The following FANCB variants were observed in gnomAD, a reference collection of about 807,000 sequenced individuals.
The protein encoded by FANCB is FA complementation group B, also known as Fanconi anemia group B protein.
FANCB carries 5 observed loss-of-function variants against 38.9 expected under a neutral mutation model. The ratio of observed to expected loss-of-function variants is 0.13; its 90% CI spans 0.07 to 0.27. The LOEUF is 0.27. Among genes scored for constraint, FANCB ranks in the 10% least tolerant of loss-of-function variants. The probability of loss-of-function intolerance (pLI) is 1.00; values close to 1 mark genes in which losing one functional copy is unlikely to be tolerated. For synonymous variants in FANCB, 236 were observed against 215.4 expected (o/e 1.10, Z -0.84); for missense variants, 573 against 602.7 (o/e 0.95, Z 0.52).
At chrX:14,808,695 T>C in the FANCB span, among the ~76,000 whole-genome samples, 50 of 112,107 alleles carry the variant, frequency 4.5e-4, no homozygotes, top group South Asian at 0.017. Flanking sequence ...TTCAACATAG[T>C]ACTGGAAATC....
At chrX:14,792,785 T>G in the FANCB span, among the ~76,000 whole-genome samples, 1 of 111,702 alleles carries the variant, frequency 9.0e-6, no homozygotes, top group African/African-American at 3.3e-5. Context: ...TCACAAAATT[T>G]CCAAAGTAGA....
the FANCB span, among the ~76,000 whole-genome samples, chrX:14,791,369 T>C: frequency 0.21 from 23,680 of 110,676 alleles, 2,341 homozygotes; most frequent in Non-Finnish European, 0.31. Context: ...CCCAAGGAAC[T>C]AGAAATTGGG....
chrX:14,858,263 C>T (rs1333469028), intron 4 of FANCB, among the ~76,000 whole-genome samples: 3 of 109,968 alleles, frequency 2.7e-5, no homozygotes, highest in Non-Finnish European at 5.7e-5. Flanking sequence ...GGCATAGTGG[C>T]GCGCACCTGT....
rs760139481 is a variant in FANCB at position 14,865,221 on chromosome X, T to C, written c.290A>G (p.Glu97Gly). ...TGINLPYIVI[E>G]KNKKNNVFEY... Reference sequence around the variant, plus strand: ...AAAAACATTATTCTTTTTATTTTTTTCTATCACAATGTAAGGGAGGTTAAT... The same window carrying C: ...AAAAACATTATTCTTTTTATTTTTTCCTATCACAATGTAAGGGAGGTTAAT... The change falls in exon 3 of 10, where the codon GAA (glutamate) becomes GGA (glycine). Residue 97 changes from glutamate (E) to glycine (G), a missense_variant. Physicochemically the swap from Glu to Gly is moderately conservative, Grantham distance 98. Transcript: ENST00000650831. 1.7e-6 allele frequency: 2 copies of C among 1,154,547 alleles called. No individual in the cohort carries two copies. Among genetic ancestry groups the C allele is most frequent in the Non-Finnish European group, 2.3e-6 (2 of 866,793 alleles).
the FANCB span, among the ~76,000 whole-genome samples, chrX:14,810,578 G>A: frequency 2.7e-5 from 3 of 111,557 alleles, no homozygotes; most frequent in African/African-American, 9.8e-5. Context: ...GATGGAAGAT[G>A]AAATGAATGA....
chrX:14,815,284 C>G, the FANCB span, among the ~76,000 whole-genome samples: 1 of 107,263 alleles, frequency 9.3e-6, no homozygotes, highest in Non-Finnish European at 1.9e-5. Flanking sequence ...CAAACCTGCA[C>G]GTTGTGCACA....
intron 3 of FANCB, among the ~76,000 whole-genome samples, chrX:14,859,976 G>A (rs1249070366): frequency 9.0e-6 from 1 of 111,119 alleles, no homozygotes. Flanking sequence ...ACAGGTGAGG[G>A]GTCCTAAAAG....
At chrX:14,768,270 T>C in the FANCB span, among the ~76,000 whole-genome samples, 3 of 112,384 alleles carry the variant, frequency 2.7e-5, no homozygotes, top group East Asian at 8.3e-4. Context: ...ATTTTCATTA[T>C]ATTGATTTTT....
chrX:14,798,948 G>A, the FANCB span, among the ~76,000 whole-genome samples: 1 of 111,866 alleles, frequency 8.9e-6, no homozygotes, highest in East Asian at 2.8e-4. Flanking sequence ...TGTGGACCAT[G>A]CTGGCTGGAC....
chrX:14,768,407 A>T, the FANCB span, among the ~76,000 whole-genome samples: 2 of 110,706 alleles, frequency 1.8e-5, no homozygotes, highest in Non-Finnish European at 3.8e-5. Flanking sequence ...TAGGTATTTT[A>T]TTCTTTTTGT....
At chrX:14,738,290 C>T in the FANCB span, among the ~76,000 whole-genome samples, 2 of 112,089 alleles carry the variant, frequency 1.8e-5, no homozygotes, top group African/African-American at 3.2e-5. Context: ...TCCCTTATAA[C>T]GTTACTGGGG....
chrX:14,870,338 G>A (rs2092489735), intron 1 of FANCB, among the ~76,000 whole-genome samples: 2 of 110,851 alleles, frequency 1.8e-5, no homozygotes, highest in South Asian at 3.8e-4. Context: ...TGCTTATCAG[G>A]GCCCCAGGTT....
At chrX:14,772,836 A>C in the FANCB span, among the ~76,000 whole-genome samples, 1 of 111,409 alleles carries the variant, frequency 9.0e-6, no homozygotes, top group African/African-American at 3.3e-5. Context: ...CTCCTGATTC[A>C]AGGGTTGCAA....
chrX:14,738,932 G>A, the FANCB span, among the ~76,000 whole-genome samples: 2 of 111,399 alleles, frequency 1.8e-5, no homozygotes, highest in African/African-American at 6.5e-5. Context: ...ACCAAAACAC[G>A]GCACAAAATT....
the FANCB span, among the ~76,000 whole-genome samples, chrX:14,731,988 C>A: frequency 2.7e-5 from 3 of 110,043 alleles, no homozygotes; most frequent in Non-Finnish European, 5.7e-5. Flanking sequence ...CACCCATCAA[C>A]CCATCATCTA....
chrX:14,836,915 C>G (rs1476260634), intron 10 of FANCB, among the ~76,000 whole-genome samples: 1 of 110,209 alleles, frequency 9.1e-6, no homozygotes, highest in African/African-American at 3.4e-5. Flanking sequence ...TCAATGTCAC[C>G]TACAACTCTC....
chrX:14,719,018 T>A, the FANCB span, among the ~76,000 whole-genome samples: 1 of 111,589 alleles, frequency 9.0e-6, no homozygotes, highest in African/African-American at 3.3e-5. Flanking sequence ...CTTTGACAAA[T>A]ACATTTTGCC....
intron 3 of FANCB, among the ~76,000 whole-genome samples, 184 bp from the exon 4 acceptor site, chrX:14,859,518 T>C (rs2092437696): frequency 8.9e-6 from 1 of 112,345 alleles, no homozygotes; most frequent in Non-Finnish European, 1.9e-5. Flanking sequence ...ATAAGAGTTA[T>C]AAAAACTTTA....
chrX:14,785,296 A>G, the FANCB span, among the ~76,000 whole-genome samples: 340 of 111,831 alleles, frequency 3.0e-3, 5 homozygotes, highest in African/African-American at 0.01. Context: ...TAACATATGC[A>G]CAGGTTCTTG....
Sources: gnomAD v4.1 joint callset for allele counts (sites outside exome capture counted in the v4.1 genomes callset) on GRCh38, gnomAD v4.1.1 for gene constraint, MANE v1.5 for transcripts, NCBI Gene and HGNC (gene_info 2026-07-23, HGNC 2026-07-21) for gene names.